Variants in UTRN observed in about 807,000 individuals in gnomAD.
The protein encoded by UTRN is utrophin, also known as dystrophin-related protein 1.
Under a neutral mutation model 463.9 loss-of-function variants are expected in UTRN, and 283 were observed. The observed-to-expected ratio is 0.61, with a 90% CI of 0.55 to 0.67. The LOEUF is 0.67. Ranked by LOEUF, UTRN falls within the 30% of genes least tolerant of loss-of-function variation. The pLI, the probability that UTRN is intolerant of heterozygous loss-of-function variation, is 0.00. For missense variants in UTRN, 3,922 were observed against 4,084.3 expected (o/e 0.96, Z 1.08); for synonymous variants, 1,442 against 1,431.5 (o/e 1.01, Z -0.17).
rs756249951 is a variant in UTRN, at chr6:144,523,188, G to A, written c.5906G>A (p.Gly1969Asp). The change falls in exon 41 of 75, where the codon GGT becomes GAT. Residue 1969 changes from glycine (G) to aspartate (D), a missense_variant and splice_region_variant. Transcript: ENST00000367545. Reference sequence around the variant, plus strand: ...AATAGAATGTACAGTGATCGGAAAGGGTATGTGTAAATGAAATTAATATTT... The same window carrying A: ...AATAGAATGTACAGTGATCGGAAAGAGTATGTGTAAATGAAATTAATATTT... ...RINRMYSDRK[G>D]CFDRAMEEWR... 41 of 1,555,488 alleles carry A rather than the reference G, an allele frequency of 2.6e-5. No individual in the cohort carries two copies. Among genetic ancestry groups the A allele is most frequent in the Non-Finnish European group, 3.6e-5 (41 of 1,154,002 alleles).
intron 2 of UTRN, among the ~76,000 whole-genome samples, chr6:144,321,353 T>G (rs949400445): frequency 1.3e-5 from 2 of 152,166 alleles, no homozygotes; most frequent in South Asian, 4.2e-4. Context: ...ACTTCTATTT[T>G]CGCCTTTTTA....
intron 51 of UTRN, among the ~76,000 whole-genome samples, chr6:144,670,793 A>G (rs1780931496): frequency 6.6e-6 from 1 of 152,176 alleles, no homozygotes; most frequent in South Asian, 2.1e-4. Context: ...TCTTTGATCC[A>G]TCTTGAATTG....
intron 10 of UTRN, among the ~76,000 whole-genome samples, chr6:144,436,914 T>TTA (rs200875059): frequency 0.062 from 8,956 of 145,334 alleles, 670 homozygotes; most frequent in African/African-American, 0.17. Flanking sequence ...TATTTATATA[T>TTA]TATATATGTA....
At chr6:144,722,339 G>A (rs924043502) in intron 53 of UTRN, among the ~76,000 whole-genome samples, 1 of 149,134 alleles carries the variant, frequency 6.7e-6, no homozygotes, top group African/African-American at 2.5e-5. Flanking sequence ...TTTAAATATC[G>A]CTGTCTTTCA....
chr6:144,649,830 G>A (rs978190402), intron 51 of UTRN, among the ~76,000 whole-genome samples: 4 of 152,126 alleles, frequency 2.6e-5, no homozygotes, highest in Admixed American at 1.3e-4. Flanking sequence ...GCTAAAGGAA[G>A]TAACTTTTTC....
At chr6:144,484,143 C>T (rs1792176261) in intron 27 of UTRN, among the ~76,000 whole-genome samples, 1 of 152,100 alleles carries the variant, frequency 6.6e-6, no homozygotes, top group Admixed American at 6.6e-5. Context: ...ATGTTTCCAC[C>T]CACTACACAA....
chr6:144,308,568 C>A (rs1265526016), intron 2 of UTRN, among the ~76,000 whole-genome samples: 2 of 152,172 alleles, frequency 1.3e-5, no homozygotes. Context: ...GTTGGGATTA[C>A]AGGTGTGAGC....
intron 2 of UTRN, among the ~76,000 whole-genome samples, chr6:144,314,510 T>G (rs1421057216): frequency 6.6e-6 from 1 of 152,230 alleles, no homozygotes; most frequent in African/African-American, 2.4e-5. Flanking sequence ...ACCTCCTTCA[T>G]GGTAAAACTC....
chr6:144,495,488 C>T (rs1023391583), intron 33 of UTRN, among the ~76,000 whole-genome samples: 20 of 152,208 alleles, frequency 1.3e-4, no homozygotes, highest in Admixed American at 8.5e-4. Flanking sequence ...GGCCCACAAG[C>T]GTGGCGCGCA....
chr6:144,403,759 A>T (rs952315642), intron 3 of UTRN, among the ~76,000 whole-genome samples: 1 of 152,196 alleles, frequency 6.6e-6, no homozygotes, highest in African/African-American at 2.4e-5. Context: ...ATAGGGGCAG[A>T]GCATGCTGAA....
At chr6:144,437,518 T>A in intron 10 of UTRN, 47 bp from the exon 11 acceptor site, 2 of 1,505,450 alleles carry the variant, frequency 1.3e-6, no homozygotes, top group South Asian at 1.4e-5. Flanking sequence ...TTCCTTTTTT[T>A]TTTTTGCACT....
chr6:144,601,592 A>T (rs1804255933), intron 51 of UTRN, among the ~76,000 whole-genome samples: 1 of 152,190 alleles, frequency 6.6e-6, no homozygotes, highest in Non-Finnish European at 1.5e-5. Flanking sequence ...TGAGCAAAAA[A>T]AGTGGTTTCT....
chr6:144,490,292 A>G, intron 31 of UTRN, 93 bp downstream of exon 31: 1 of 1,497,024 alleles, frequency 6.7e-7, no homozygotes, highest in Non-Finnish European at 8.9e-7. Flanking sequence ...CACCGTTTGT[A>G]TTCTTTGTGA....
intron 41 of UTRN, among the ~76,000 whole-genome samples, chr6:144,526,669 C>T (rs574671069): frequency 6.6e-6 from 1 of 150,626 alleles, no homozygotes; most frequent in South Asian, 2.1e-4. Context: ...AGCATTTAGG[C>T]CATTTACATT....
chr6:144,374,631 G>A (rs554023820), intron 2 of UTRN, among the ~76,000 whole-genome samples: 1 of 151,228 alleles, frequency 6.6e-6, no homozygotes, highest in South Asian at 2.1e-4. Flanking sequence ...CTGCAGGCAC[G>A]TGCCACCACA....
intron 66 of UTRN, among the ~76,000 whole-genome samples, chr6:144,821,916 A>G (rs1779638924): frequency 6.6e-6 from 1 of 152,098 alleles, no homozygotes; most frequent in Non-Finnish European, 1.5e-5. Flanking sequence ...GTATAGCATA[A>G]TGAAGTTCTA....
rs575249227 is a variant in UTRN, at chr6:144,363,833, G to A, written c.80-39290G>A. Among the ~76,000 whole-genome samples the A allele has an allele frequency of 2.6e-5, 4 of 152,250 alleles. No homozygotes were observed. The East Asian group carries it at 7.7e-4, about 29-fold the overall frequency. ...CTGGAGGAAAATGTTCCAGGTAGAG[G>A]GCACAGAATTAATAGGGGGTAGCTA... On this transcript the variant is annotated intron_variant, in intron 2 of 74. Coordinates refer to ENST00000367545, the MANE Select transcript of UTRN (RefSeq NM_007124.3).
At chr6:144,770,671 C>G (rs1410934458) in intron 58 of UTRN, among the ~76,000 whole-genome samples, 9 of 151,750 alleles carry the variant, frequency 5.9e-5, no homozygotes, top group African/African-American at 2.2e-4. Flanking sequence ...TTTATTACCC[C>G]AAAACTTCCA....
intron 51 of UTRN, among the ~76,000 whole-genome samples, chr6:144,666,904 G>A (rs181573360): frequency 6.6e-6 from 1 of 152,296 alleles, no homozygotes; most frequent in African/African-American, 2.4e-5. Context: ...CTGATCTGAT[G>A]TGAGAAGGCG....
Sources: gnomAD v4.1 joint callset for allele counts (sites outside exome capture counted in the v4.1 genomes callset) on GRCh38, gnomAD v4.1.1 for gene constraint, MANE v1.5 for transcripts, NCBI Gene and HGNC (gene_info 2026-07-23, HGNC 2026-07-21) for gene names.